CD72: variants seen among roughly 807,000 people sequenced by gnomAD.
The protein encoded by CD72 is B-cell differentiation antigen CD72.
In CD72, 28 loss-of-function variants were observed where a neutral mutation model predicts 50.7. The ratio of observed to expected loss-of-function variants is 0.55; its 90% CI spans 0.41 to 0.76. The LOEUF is 0.76. CD72 is among the 30% of genes least tolerant of loss of function. The probability of loss-of-function intolerance (pLI) is 0.00; values close to 1 mark genes in which losing one functional copy is unlikely to be tolerated. For synonymous variants in CD72, 176 were observed against 171.2 expected (o/e 1.03, Z -0.22); for missense variants, 403 against 420.6 (o/e 0.96, Z 0.37).
At chr9:35,644,462 G>A (rs1016641145) in intron 1 of CD72, among the ~76,000 whole-genome samples, 4 of 150,804 alleles carry the variant, frequency 2.7e-5, no homozygotes, top group Admixed American at 6.6e-5. Context: ...AAGTAACAAG[G>A]AAGCCAACTT....
chr9:35,636,522 A>G (rs979793445), intron 1 of CD72, among the ~76,000 whole-genome samples: 10 of 152,230 alleles, frequency 6.6e-5, no homozygotes, highest in African/African-American at 2.4e-4. Flanking sequence ...GAATCACTTA[A>G]ATCTGTTCCC....
chr9:35,622,876 G>A (rs764263882), upstream of CD72, among the ~76,000 whole-genome samples: 11 of 152,130 alleles, frequency 7.2e-5, no homozygotes, highest in Non-Finnish European at 1.5e-4. Flanking sequence ...GGAAGCTGAG[G>A]TGGGAGGATC....
At chr9:35,615,291 AC>A (rs899680714) in intron 5 of CD72, among the ~76,000 whole-genome samples, 2 of 151,896 alleles carry the variant, frequency 1.3e-5, no homozygotes, top group African/African-American at 4.8e-5. Context: ...GCCCAAAAAC[AC>A]CCCAGTCCCC....
chr9:35,612,003 G>C lies in CD72; in HGVS notation c.835-84C>G, dbSNP rs554497037. 20 of 764,778 alleles carry C rather than the reference G, an allele frequency of 2.6e-5. No individual in the cohort carries two copies. In the East Asian group the frequency reaches 5.1e-4, roughly 20 times the overall value. 47.4% of individuals were successfully genotyped at this position (764,778 alleles called of 1,614,324 possible). On this transcript the variant is annotated intron_variant, in intron 6 of 8. Coordinates refer to ENST00000259633, the MANE Select transcript of CD72 (RefSeq NM_001782.3). ...AAATGCACACCCTAGGGAGGCCTCA[G>C]CTTTGGCAAGGGGGCTGTATATATG... is the stretch of plus-strand genomic sequence containing the variant.
At chr9:35,631,123 A>G (rs879635570) in intron 1 of CD72, among the ~76,000 whole-genome samples, 6 of 152,136 alleles carry the variant, frequency 3.9e-5, no homozygotes, top group Non-Finnish European at 7.4e-5. Flanking sequence ...TCAATTCAAT[A>G]TGCTTATTGC....
chr9:35,621,951 G>GT (rs1194536690), upstream of CD72, among the ~76,000 whole-genome samples: 6 of 152,328 alleles, frequency 3.9e-5, no homozygotes, highest in East Asian at 7.7e-4. Context: ...CTCCACAACT[G>GT]TAAGACAATA....
At position 35,610,271 on chromosome 9, in the gene CD72, AG is replaced by A. The variant is rs1318526404; in HGVS notation, c.*51del. On this transcript the variant is annotated 3_prime_UTR_variant, in exon 9 of 9. Transcript: ENST00000259633. ...AACCCCAGGCCTCAGGTTAGGAAGG[AG>A]GGGCACAGGTTCTTGTTGGCATGAG... 4.5e-6 allele frequency: 1 copy of A among 224,486 alleles called. No individual in the cohort carries two copies. The highest frequency in any genetic ancestry group is 8.7e-6 in the Non-Finnish European group (1 of 114,508). 13.9% of individuals were successfully genotyped at this position (224,486 alleles called of 1,614,324 possible).
chr9:35,635,215 G>A (rs545871535), intron 1 of CD72, among the ~76,000 whole-genome samples: 8 of 152,106 alleles, frequency 5.3e-5, no homozygotes, highest in South Asian at 4.2e-4. Context: ...GTGTCTTTTC[G>A]TTTCAATTGG....
At chr9:35,641,965 A>G (rs1823344169) in intron 1 of CD72, among the ~76,000 whole-genome samples, 1 of 152,142 alleles carries the variant, frequency 6.6e-6, no homozygotes, top group African/African-American at 2.4e-5. Context: ...GTCTGTATAT[A>G]TATTTACCCT....
intron 1 of CD72, among the ~76,000 whole-genome samples, chr9:35,629,388 G>A (rs1197633957): frequency 1.3e-5 from 2 of 152,124 alleles, no homozygotes. Context: ...CCTTCATTTA[G>A]TATGTCAGTC....
chr9:35,618,560 G>A (rs756472997), upstream of CD72: 5 of 828,076 alleles, frequency 6.0e-6, no homozygotes, highest in Middle Eastern at 2.3e-4. Context: ...CAGAACACAG[G>A]GGTAGGGGAT....
chr9:35,634,333 C>T (rs1823271381), intron 1 of CD72, among the ~76,000 whole-genome samples: 1 of 152,074 alleles, frequency 6.6e-6, no homozygotes, highest in South Asian at 2.1e-4. Context: ...CTTCTATTTC[C>T]TCCCCATCCC....
At chr9:35,615,610 C>T (rs760578357) in intron 5 of CD72, among the ~76,000 whole-genome samples, 4 of 151,796 alleles carry the variant, frequency 2.6e-5, no homozygotes, top group Non-Finnish European at 4.4e-5. Context: ...ATGTGCAAAC[C>T]GCCAAGTTCA....
chr9:35,629,633 A>C (rs1823224823), intron 1 of CD72, among the ~76,000 whole-genome samples: 1 of 152,196 alleles, frequency 6.6e-6, no homozygotes, highest in African/African-American at 2.4e-5. Flanking sequence ...GCAGCCAGGA[A>C]GGGAAGATGG....
chr9:35,611,022 C>T (rs568731689), intron 7 of CD72, among the ~76,000 whole-genome samples: 47 of 152,264 alleles, frequency 3.1e-4, no homozygotes, highest in Middle Eastern at 3.4e-3. Context: ...GAGGCCAAGG[C>T]GGGTGGATCA....
intron 1 of CD72, among the ~76,000 whole-genome samples, chr9:35,627,479 G>A (rs1018135155): frequency 4.6e-5 from 7 of 151,968 alleles, no homozygotes; most frequent in African/African-American, 9.7e-5. Context: ...TCCTGTGATC[G>A]TTGCAGTGAT....
chr9:35,631,196 A>G (rs1823242781), intron 1 of CD72, among the ~76,000 whole-genome samples: 1 of 152,024 alleles, frequency 6.6e-6, no homozygotes, highest in Non-Finnish European at 1.5e-5. Flanking sequence ...TCCAAATTAT[A>G]TTGCTTTTTA....
intron 8 of CD72, 127 bp downstream of exon 8, chr9:35,610,475 G>T (rs1372040466): frequency 2.2e-6 from 1 of 456,354 alleles, no homozygotes; most frequent in Non-Finnish European, 3.9e-6. Flanking sequence ...GCAACTGGAG[G>T]CTGTGGAGGA....
At position 35,618,081 on chromosome 9, in the gene CD72, A is replaced by G. The variant is rs1823096389; in HGVS notation, c.123T>C (p.Asn41=). The part of the protein sequence containing the change: ...ADDDGEITYE[N]VQVPAVLGVP... ...CCCCTAGGACTGCGGGCACTTGAAC[A>G]TTCTCGTAGGTGATTTCCCCATCAT... is the stretch of plus-strand genomic sequence containing the variant. Residue 41 remains asparagine, a synonymous_variant, in exon 2 of 9, where the codon AAT becomes AAC. Transcript: ENST00000259633. 2.3e-5 allele frequency: 37 copies of G among 1,613,992 alleles called. No homozygotes were observed. Among genetic ancestry groups the G allele is most frequent in the Non-Finnish European group, 3.1e-5 (37 of 1,179,972 alleles).
Sources: allele counts gnomAD v4.1 joint callset (sites outside exome capture counted in the v4.1 genomes callset), GRCh38; gene constraint gnomAD v4.1.1; transcripts MANE v1.5; gene names NCBI Gene and HGNC (gene_info 2026-07-23, HGNC 2026-07-21).